Variants in HDAC4 observed in about 807,000 individuals in gnomAD.
The protein encoded by HDAC4 is histone deacetylase A.
A neutral mutation model predicts 135.1 loss-of-function variants in HDAC4; 16 were observed. The observed-to-expected ratio is 0.12, with a 90% CI of 0.08 to 0.18. The LOEUF (loss-of-function observed/expected upper bound fraction) is 0.18, where lower values mean the gene tolerates loss of function less well. Among genes scored for constraint, HDAC4 ranks in the 10% least tolerant of loss-of-function variants. HDAC4 has a pLI of 1.00. For synonymous variants in HDAC4, 685 were observed against 653.4 expected (o/e 1.05, Z -0.74); for missense variants, 1,143 against 1,511.8 (o/e 0.76, Z 4.05).
At position 239,289,301 on chromosome 2, in the gene HDAC4, G is replaced by GT. The variant is rs540129709; in HGVS notation, c.23-52638dup. 2.6e-5 allele frequency among the ~76,000 whole-genome samples: 4 copies of GT among 152,176 alleles called. No homozygotes were observed. The East Asian group carries it at 7.7e-4, about 29-fold the overall frequency. On this transcript the variant is annotated intron_variant, in intron 2 of 26. Coordinates refer to ENST00000543185, the MANE Select transcript of HDAC4 (RefSeq NM_001378414.1). Reference sequence around the variant, plus strand: ...TCTTTATGGCCTTGAGGTAGGGAAGGTTTTTTGGTGGTTGTTTTGTTTTTA... The same window carrying GT: ...TCTTTATGGCCTTGAGGTAGGGAAGGTTTTTTTGGTGGTTGTTTTGTTTTTA...
intron 2 of HDAC4, among the ~76,000 whole-genome samples, chr2:239,263,893 T>A (rs562681334): frequency 6.6e-6 from 1 of 152,260 alleles, no homozygotes; most frequent in African/African-American, 2.4e-5. Context: ...GCCCCTTCTC[T>A]GCAGAGGGGA....
intron 8 of HDAC4, among the ~76,000 whole-genome samples, chr2:239,142,208 T>C (rs2041426155): frequency 6.6e-6 from 1 of 152,120 alleles, no homozygotes; most frequent in African/African-American, 2.4e-5. Flanking sequence ...AATTAATTAG[T>C]GACTGAGAAA....
intron 1 of HDAC4, among the ~76,000 whole-genome samples, chr2:239,379,042 A>G (rs946596077): frequency 6.6e-6 from 1 of 152,190 alleles, no homozygotes; most frequent in Non-Finnish European, 1.5e-5. Flanking sequence ...GGGAAGGTAA[A>G]GAGGAAGTGC....
At chr2:239,267,403 C>T (rs2049801577) in intron 2 of HDAC4, among the ~76,000 whole-genome samples, 1 of 152,228 alleles carries the variant, frequency 6.6e-6, no homozygotes, top group African/African-American at 2.4e-5. Context: ...AGCGGAGCAC[C>T]AGGGCCCATG....
intron 2 of HDAC4, chr2:239,298,207 C>T (rs567347476): frequency 4.3e-5 from 55 of 1,289,478 alleles, no homozygotes; most frequent in East Asian, 3.3e-4. Context: ...AGCAGAGGCC[C>T]GTCTCGGTAT....
At chr2:239,098,825 C>T (rs560401287) in intron 16 of HDAC4, among the ~76,000 whole-genome samples, 1 of 152,316 alleles carries the variant, frequency 6.6e-6, no homozygotes, top group Admixed American at 6.5e-5. Context: ...AATGAAGTTT[C>T]TGGGTTAGGA....
intron 2 of HDAC4, among the ~76,000 whole-genome samples, chr2:239,343,136 T>A (rs1276375253): frequency 2.6e-5 from 4 of 152,166 alleles, no homozygotes; most frequent in Non-Finnish European, 5.9e-5. Flanking sequence ...GGGCCAGATA[T>A]AATTCAAAAA....
chr2:239,203,079 G>GCTC (rs1379481238), intron 3 of HDAC4, among the ~76,000 whole-genome samples: 17 of 152,204 alleles, frequency 1.1e-4, no homozygotes, highest in Non-Finnish European at 2.1e-4. Flanking sequence ...GCCCTGCAGG[G>GCTC]CTCCTGTGCC....
At chr2:239,399,827 T>A (rs150578337) in intron 1 of HDAC4, among the ~76,000 whole-genome samples, 2,417 of 152,356 alleles carry the variant, frequency 0.016, 25 homozygotes, top group Non-Finnish European at 0.025. Flanking sequence ...AAGAAAGTCA[T>A]TAGTTTTAAA....
chr2:239,375,162 AG>A (rs1694917672), intron 1 of HDAC4, among the ~76,000 whole-genome samples: 1 of 152,230 alleles, frequency 6.6e-6, no homozygotes, highest in Non-Finnish European at 1.5e-5. Context: ...ACCAGGCAGC[AG>A]GAACGCCCAG....
At chr2:239,386,270 CTG>C (rs1229352631) in intron 1 of HDAC4, among the ~76,000 whole-genome samples, 1 of 152,004 alleles carries the variant, frequency 6.6e-6, no homozygotes, top group African/African-American at 2.4e-5. Flanking sequence ...GTCACAGACA[CTG>C]AGACTCAAAT....
At chr2:239,142,870 C>CTG (rs1442386900) in intron 8 of HDAC4, among the ~76,000 whole-genome samples, 1 of 146,296 alleles carries the variant, frequency 6.8e-6, no homozygotes, top group African/African-American at 2.6e-5. Context: ...TGATCACGCC[C>CTG]TGCCGCATGG....
chr2:239,058,678 T>C (rs2032230721), intron 24 of HDAC4, among the ~76,000 whole-genome samples: 1 of 152,208 alleles, frequency 6.6e-6, no homozygotes, highest in Non-Finnish European at 1.5e-5. Flanking sequence ...AAGGGCATAA[T>C]GATGTCAAAT....
intron 4 of HDAC4, among the ~76,000 whole-genome samples, chr2:239,184,200 G>A (rs1278246307): frequency 6.6e-6 from 1 of 152,232 alleles, no homozygotes; most frequent in Non-Finnish European, 1.5e-5. Flanking sequence ...ACCAGTGCAG[G>A]GAGAGAGGGT....
intron 16 of HDAC4, among the ~76,000 whole-genome samples, chr2:239,100,099 G>T (rs1203856495): frequency 1.3e-5 from 2 of 152,238 alleles, no homozygotes; most frequent in African/African-American, 2.4e-5. Context: ...GCATTCTGAG[G>T]CTCTGCTGTT....
At chr2:239,094,889 C>T (rs1020163671) in intron 17 of HDAC4, 121 bp downstream of exon 17, 1 of 1,597,518 alleles carries the variant, frequency 6.3e-7, no homozygotes, top group African/African-American at 1.3e-5. Context: ...TGGGCAGCCC[C>T]TGCGTATGGA....
intron 3 of HDAC4, among the ~76,000 whole-genome samples, chr2:239,208,302 G>C (rs1397046092): frequency 6.9e-6 from 1 of 144,764 alleles, no homozygotes; most frequent in Non-Finnish European, 1.5e-5. Context: ...ACTCCAGCCT[G>C]GGGGACAGAG....
intron 1 of HDAC4, among the ~76,000 whole-genome samples, chr2:239,387,848 T>C (rs1021727528): frequency 1.3e-5 from 2 of 152,086 alleles, no homozygotes; most frequent in African/African-American, 4.8e-5. Flanking sequence ...CTGGGGCTCA[T>C]GGTTCCACCA....
At chr2:239,138,407 T>C (rs2041118500) in intron 9 of HDAC4, among the ~76,000 whole-genome samples, 1 of 152,208 alleles carries the variant, frequency 6.6e-6, no homozygotes, top group Non-Finnish European at 1.5e-5. Context: ...CAGCTAAGAT[T>C]TGCCAATCCT....
Sources: gnomAD v4.1 joint callset for allele counts (sites outside exome capture counted in the v4.1 genomes callset) on GRCh38, gnomAD v4.1.1 for gene constraint, MANE v1.5 for transcripts, NCBI Gene and HGNC (gene_info 2026-07-23, HGNC 2026-07-21) for gene names.